The following WIPF1 variants were observed in gnomAD, a reference collection of about 807,000 sequenced individuals.
WIPF1 encodes the protein WAS/WASL interacting protein family member 1.
A neutral mutation model predicts 35.4 loss-of-function variants in WIPF1; 13 were observed. The ratio of observed to expected loss-of-function variants is 0.37; its 90% confidence interval spans 0.24 to 0.58. WIPF1 has a LOEUF of 0.58. Among genes scored for constraint, WIPF1 ranks in the 20% least tolerant of loss-of-function variants. The pLI is 0.74. For synonymous variants in WIPF1, 267 were observed against 266.3 expected (o/e 1.00, Z -0.02); for missense variants, 591 against 667.0 (o/e 0.89, Z 1.25).
At chr2:174,627,365 CA>C (rs1405223190) in intron 1 of WIPF1, among the ~76,000 whole-genome samples, 35 of 151,980 alleles carry the variant, frequency 2.3e-4, no homozygotes, top group African/African-American at 7.5e-4. Context: ...ACTTTGAAAA[CA>C]TCCAGTGTCC....
chr2:174,680,031 T>A (rs1688215986), intron 1 of WIPF1, among the ~76,000 whole-genome samples: 1 of 152,248 alleles, frequency 6.6e-6, no homozygotes, highest in Non-Finnish European at 1.5e-5. Context: ...GACAAACGAA[T>A]GAAGGAGTGC....
chr2:174,615,723 G>C (rs548265170), intron 1 of WIPF1, among the ~76,000 whole-genome samples: 29 of 152,284 alleles, frequency 1.9e-4, no homozygotes, highest in African/African-American at 5.8e-4. Flanking sequence ...AGATTAAGTG[G>C]AAATCCATAT....
chr2:174,672,658 A>G (rs767506045), intron 1 of WIPF1, among the ~76,000 whole-genome samples: 29 of 152,206 alleles, frequency 1.9e-4, no homozygotes, highest in Non-Finnish European at 3.4e-4. Context: ...CGTTGATTGC[A>G]TTGTTAGGAT....
chr2:174,567,811 T>A (rs771963360), intron 6 of WIPF1, 50 bp downstream of exon 6: 81 of 1,510,162 alleles, frequency 5.4e-5, no homozygotes, highest in Non-Finnish European at 6.6e-5. Context: ...CAAACAGATT[T>A]ACCATTTAGT....
At chr2:174,580,240 T>C (rs1685191908) in intron 3 of WIPF1, among the ~76,000 whole-genome samples, 2 of 152,314 alleles carry the variant, frequency 1.3e-5, no homozygotes, top group South Asian at 2.1e-4. Flanking sequence ...TGCGAGCCAC[T>C]GCGCCCGGCC....
chr2:174,565,904 G>A (rs958740331), intron 7 of WIPF1, among the ~76,000 whole-genome samples: 2 of 149,834 alleles, frequency 1.3e-5, no homozygotes, highest in Non-Finnish European at 3.0e-5. Context: ...TTTTTTTTGA[G>A]ATGAAGTCTC....
At chr2:174,638,223 C>T (rs925609129) in intron 1 of WIPF1, among the ~76,000 whole-genome samples, 1 of 152,008 alleles carries the variant, frequency 6.6e-6, no homozygotes, top group Non-Finnish European at 1.5e-5. Context: ...TAGATAAATA[C>T]AGATATTGAT....
chr2:174,682,891 G>T, exon 1 of WIPF1: 1 of 152,248 alleles, frequency 6.6e-6, no homozygotes, highest in South Asian at 1.8e-4. Flanking sequence ...CTCAGCGCCG[G>T]GAGGCTGCGA....
At chr2:174,633,208 A>C (rs1368292900) in intron 1 of WIPF1, among the ~76,000 whole-genome samples, 1 of 152,214 alleles carries the variant, frequency 6.6e-6, no homozygotes, top group Non-Finnish European at 1.5e-5. Context: ...AAATATGAAA[A>C]AAATGTGGCA....
At chr2:174,599,958 G>A (rs1685948706), upstream of WIPF1, among the ~76,000 whole-genome samples, 1 of 152,194 alleles carries the variant, frequency 6.6e-6, no homozygotes, top group African/African-American at 2.4e-5. Context: ...GGCAGGGGGT[G>A]GGGATGGTTT....
chr2:174,664,280 G>C (rs1574867446), intron 1 of WIPF1, among the ~76,000 whole-genome samples: 1 of 152,194 alleles, frequency 6.6e-6, no homozygotes, highest in African/African-American at 2.4e-5. Context: ...AGCCAGCGCA[G>C]GGAGTGCGGA....
Position 174,562,445 on chromosome 2 carries a change from C to G in WIPF1, c.*102G>C. The G allele has an allele frequency of 6.3e-7, 1 of 1,587,878 alleles. No individual in the cohort carries two copies. Among genetic ancestry groups the G allele is most frequent in the Non-Finnish European group, 8.6e-7 (1 of 1,166,016 alleles). ...CTCCCCCTCCCACCTTTCCTCCTGC[C>G]CATACATGAGGCACAAGGGAAGAAG... On this transcript the variant is annotated 3_prime_UTR_variant, in exon 8 of 8. Transcript: ENST00000679041.
At chr2:174,583,715 G>C (rs544479024) in intron 2 of WIPF1, among the ~76,000 whole-genome samples, 1 of 152,142 alleles carries the variant, frequency 6.6e-6, no homozygotes, top group Non-Finnish European at 1.5e-5. Flanking sequence ...TATTAAGTCA[G>C]TTCACTATAG....
intron 1 of WIPF1, among the ~76,000 whole-genome samples, chr2:174,654,926 G>A (rs548187330): frequency 2.0e-5 from 3 of 152,346 alleles, no homozygotes; most frequent in Non-Finnish European, 4.4e-5. Context: ...AGGAAGCTAA[G>A]CAGAGCTAAG....
chr2:174,637,801 C>CA (rs1004894542), intron 1 of WIPF1, among the ~76,000 whole-genome samples: 15 of 151,992 alleles, frequency 9.9e-5, no homozygotes, highest in Admixed American at 3.9e-4. Context: ...AAACAAAAAA[C>CA]AAAAAAAACC....
At chr2:174,658,854 A>G (rs1163592472) in intron 1 of WIPF1, among the ~76,000 whole-genome samples, 1 of 151,918 alleles carries the variant, frequency 6.6e-6, no homozygotes, top group Non-Finnish European at 1.5e-5. Context: ...ACAAAATGAA[A>G]ACTATGGGAA....
chr2:174,559,731 G>T lies in WIPF1; in HGVS notation c.*2816C>A, dbSNP rs2105779998. 6.6e-6 allele frequency: 1 copy of T among 152,604 alleles called. No homozygotes were observed. Among genetic ancestry groups the T allele is most frequent in the Middle Eastern group, 3.4e-3 (1 of 292 alleles). 9.5% of individuals were successfully genotyped at this position (152,604 alleles called of 1,614,324 possible). ...AAAAAAAAGTTTTTCTTCCTCTACG[G>T]TCCTTGACTATAAGGAGGGAAAAAT... On this transcript the variant is annotated 3_prime_UTR_variant, in exon 8 of 8. Transcript: ENST00000679041.
chr2:174,564,177 G>A lies in WIPF1; in HGVS notation c.1457-1575C>T, dbSNP rs151229674. Among the ~76,000 whole-genome samples, 78 of 152,280 alleles carry A rather than the reference G, an allele frequency of 5.1e-4. 1 individual carries two copies. Among genetic ancestry groups the A allele is most frequent in the African/African-American group, 1.8e-3 (75 of 41,564 alleles). On this transcript the variant is annotated intron_variant, in intron 7 of 7. Coordinates refer to ENST00000679041, the MANE Select transcript of WIPF1 (RefSeq NM_001375834.1). ...GAGGCTGAGGCTGCTGCAGAGCAGA[G>A]GAAAACTTGGTACTCGACGGTGCCT...
At chr2:174,653,842 T>C (rs1687589156) in intron 1 of WIPF1, among the ~76,000 whole-genome samples, 2 of 152,102 alleles carry the variant, frequency 1.3e-5, no homozygotes, top group Admixed American at 1.3e-4. Context: ...CTCAGTCTTC[T>C]AGAAGATGGG....
Sources: allele counts gnomAD v4.1 joint callset (sites outside exome capture counted in the v4.1 genomes callset), GRCh38; gene constraint gnomAD v4.1.1; transcripts MANE v1.5; gene names NCBI Gene and HGNC (gene_info 2026-07-23, HGNC 2026-07-21).